The following CGREF1 variants were observed in gnomAD, a reference collection of about 807,000 sequenced individuals.
CGREF1 encodes the protein cell growth regulator with EF-hand domain 1.
CGREF1 carries 16 observed loss-of-function variants against 17.4 expected under a neutral mutation model. The ratio of observed to expected loss-of-function variants is 0.92; its 90% confidence interval spans 0.62 to 1.40. The LOEUF is 1.40. Ranked by LOEUF, CGREF1 falls within the 40% of genes most tolerant of loss-of-function variation. The pLI is 0.00. For synonymous variants in CGREF1, 142 were observed against 154.6 expected, an observed-to-expected ratio of 0.92 and a Z score of 0.61; for missense variants, 296 against 376.4, an observed-to-expected ratio of 0.79 and a Z score of 1.77.
chr2:27,100,702 T>C lies in CGREF1; in HGVS notation c.*572A>G. The C allele has an allele frequency of 9.1e-7, 1 of 1,101,488 alleles. No individual in the cohort carries two copies. The allele number at this position is 1,101,488 out of a possible 1,614,324, so 68.2% of individuals were successfully genotyped here. Reference sequence around the variant, plus strand: ...TCAAATGGAACCAATTCTGCTTGGCTACAGAATTATTGTGAGGATAAAATC... The same window carrying C: ...TCAAATGGAACCAATTCTGCTTGGCCACAGAATTATTGTGAGGATAAAATC... On this transcript the variant is annotated 3_prime_UTR_variant, in exon 6 of 6. Transcript: ENST00000402394.
In CGREF1 at chr2:27,101,730, T is replaced by G; in HGVS notation, c.501A>C (p.Gly167=). ...GGCTTTTAGCTAATAGGGACTGCCT[T>G]CCAACAGCTTGTGGCTCCTGAGGAG... ...APSPQEPQAV[G]RQSLLAKSPL... Residue 167 remains glycine, a synonymous_variant, in exon 6 of 6, where the codon GGA becomes GGC. Transcript: ENST00000402394. The G allele has an allele frequency of 6.2e-7, 1 of 1,614,222 alleles. No individual in the cohort carries two copies. Among genetic ancestry groups the G allele is most frequent in the Non-Finnish European group, 8.5e-7 (1 of 1,180,040 alleles).
intron 1 of CGREF1, among the ~76,000 whole-genome samples, chr2:27,110,482 A>G (rs911875192): frequency 6.6e-6 from 1 of 152,178 alleles, no homozygotes; most frequent in Non-Finnish European, 1.5e-5. Flanking sequence ...AAGAAATTAA[A>G]ATAAATGAAA....
chr2:27,104,606 T>C, intron 1 of CGREF1: 3 of 1,550,630 alleles, frequency 1.9e-6, no homozygotes, highest in South Asian at 2.4e-5. Flanking sequence ...AAGGCAGGCC[T>C]GCTGTGGCGG....
At chr2:27,115,670 C>T (rs896310632) in intron 1 of CGREF1, among the ~76,000 whole-genome samples, 2 of 152,186 alleles carry the variant, frequency 1.3e-5, no homozygotes, top group Non-Finnish European at 2.9e-5. Flanking sequence ...CTCCCTATTT[C>T]GATTACAGTC....
Position 27,101,172 on chromosome 2 carries a change from G to A in CGREF1, c.*102C>T, listed in dbSNP as rs146521833. On this transcript the variant is annotated 3_prime_UTR_variant, in exon 6 of 6. Transcript: ENST00000402394. The stretch of plus-strand genomic sequence containing the variant: ...CCTGATACCTACTGGGACCAGGCAG[G>A]GGGCACAGAGATGGTCCTTGTCCCA... 2.0e-6 allele frequency: 3 copies of A among 1,491,002 alleles called. No homozygotes were observed. Among genetic ancestry groups the A allele is most frequent in the East Asian group, 4.6e-5 (2 of 43,360 alleles). The allele number at this position is 1,491,002 out of a possible 1,614,324, so 92.4% of individuals were successfully genotyped here.
At chr2:27,116,010 C>T (rs1376338619) in intron 1 of CGREF1, among the ~76,000 whole-genome samples, 1 of 151,358 alleles carries the variant, frequency 6.6e-6, no homozygotes, top group Non-Finnish European at 1.5e-5. Flanking sequence ...GCCAGGAGTT[C>T]GAGACCAGCC....
chr2:27,102,608 A>G lies in CGREF1; in HGVS notation c.81-17T>C, dbSNP rs1670943669. 1 of 1,607,236 alleles carries G rather than the reference A, an allele frequency of 6.2e-7. No homozygotes were observed. The highest frequency in any genetic ancestry group is 1.1e-5 in the South Asian group (1 of 90,870). On this transcript the variant is annotated splice_polypyrimidine_tract_variant and intron_variant, in intron 2 of 5. Coordinates refer to ENST00000402394, the MANE Select transcript of CGREF1 (RefSeq NM_006569.6). ...GAGTCTGGCCTGGAGGAGGAAGGGG[A>G]GGACCAGCCTTGCAGAGAGCCTCCC... is the stretch of plus-strand genomic sequence containing the variant.
At chr2:27,107,475 A>T (rs921178242) in intron 1 of CGREF1, among the ~76,000 whole-genome samples, 4 of 151,544 alleles carry the variant, frequency 2.6e-5, no homozygotes, top group Non-Finnish European at 5.9e-5. Context: ...GGCTGGTCTC[A>T]AACTCCTGAC....
At chr2:27,111,406 A>G (rs1005104415) in intron 1 of CGREF1, among the ~76,000 whole-genome samples, 2 of 152,206 alleles carry the variant, frequency 1.3e-5, no homozygotes, top group African/African-American at 4.8e-5. Context: ...CTAGACATAA[A>G]GGTTCTCCAA....
chr2:27,116,139 G>C (rs1225082199), intron 1 of CGREF1, among the ~76,000 whole-genome samples: 1 of 150,046 alleles, frequency 6.7e-6, no homozygotes, highest in African/African-American at 2.5e-5. Context: ...GATGCAGGAG[G>C]ATCACTTCAG....
Position 27,100,646 on chromosome 2 carries a change from T to G in CGREF1, c.*628A>C, listed in dbSNP as rs1276594858. The G allele has an allele frequency of 1.9e-6, 2 of 1,080,184 alleles. No individual in the cohort carries two copies. The highest frequency in any genetic ancestry group is 1.5e-5 in the South Asian group (1 of 64,634). The allele number at this position is 1,080,184 out of a possible 1,614,324, so 66.9% of individuals were successfully genotyped here. ...TGCATATCACCTTAGGGTACAGCACTTAACGCAATCTGCCTCAATTTCTTC... is the reference window on the plus strand; with the variant it reads ...TGCATATCACCTTAGGGTACAGCACGTAACGCAATCTGCCTCAATTTCTTC... On this transcript the variant is annotated 3_prime_UTR_variant, in exon 6 of 6. Transcript: ENST00000402394.
chr2:27,116,944 G>A lies in CGREF1; in HGVS notation c.-12+1902C>T, dbSNP rs1453838282. 1.9e-4 allele frequency among the ~76,000 whole-genome samples: 16 copies of A among 86,030 alleles called. No individual in the cohort carries two copies. The East Asian group carries it at 2.0e-3, about 11-fold the overall frequency. The allele number at this position is 86,030 out of a possible 152,430, so 56.4% of individuals were successfully genotyped here. A position where few individuals can be genotyped will look rare whatever the true frequency, so the allele number is the denominator to read the frequency against. On this transcript the variant is annotated intron_variant, in intron 1 of 5. Coordinates refer to ENST00000402394, the MANE Select transcript of CGREF1 (RefSeq NM_006569.6). The stretch of plus-strand genomic sequence containing the variant: ...CTCTCTTTTTTTGAGACAGAGTCTC[G>A]CTCTGTCACCCAGGCTGGAGTGCAG...
chr2:27,101,819 C>T lies in CGREF1; in HGVS notation c.412G>A (p.Glu138Lys). The T allele has an allele frequency of 6.2e-7, 1 of 1,614,172 alleles. No homozygotes were observed. The highest frequency in any genetic ancestry group is 8.5e-7 in the Non-Finnish European group (1 of 1,180,040). Residue 138 changes from glutamate to lysine, a missense_variant, in exon 6 of 6, where the codon GAG (glutamate) becomes AAG (lysine). By Grantham distance (56) the Glu-to-Lys change is moderately conservative. Around this residue, in one of 3 missense-constraint regions of CGREF1, gnomAD observed 247 missense variants for 267.2 expected, o/e 0.92. Transcript: ENST00000402394. Reference protein sequence around the residue: ...LNGDGLMTPAELINFPGVALR... With the variant: ...LNGDGLMTPAKLINFPGVALR... ...GCTACTCCCGGGAAGTTGATGAGCTCAGCAGGGGTCATGAGCCCATCCCCA... is the reference window on the plus strand; with the variant it reads ...GCTACTCCCGGGAAGTTGATGAGCTTAGCAGGGGTCATGAGCCCATCCCCA...
At chr2:27,102,962 G>C in intron 2 of CGREF1, 3 of 985,434 alleles carry the variant, frequency 3.0e-6, no homozygotes, top group Non-Finnish European at 3.6e-6. Context: ...GGGAGCCAAG[G>C]GACAGGTCTC....
intron 1 of CGREF1, among the ~76,000 whole-genome samples, chr2:27,115,972 G>T (rs540379344): frequency 1.3e-5 from 2 of 151,972 alleles, no homozygotes; most frequent in South Asian, 2.1e-4. Context: ...CCAGTACTTC[G>T]CAGGCCAAGG....
chr2:27,115,268 C>T (rs1286635128), intron 1 of CGREF1, among the ~76,000 whole-genome samples: 2 of 152,114 alleles, frequency 1.3e-5, no homozygotes, highest in Admixed American at 6.6e-5. Context: ...AGTCCTACCC[C>T]GTGAATGACT....
rs577742557 is a variant in CGREF1 at position 27,103,620 on chromosome 2, C to T, written c.80+667G>A. Among the ~76,000 whole-genome samples, 59 of 150,488 alleles carry T rather than the reference C, an allele frequency of 3.9e-4. 1 individual carries two copies. In the South Asian group the frequency reaches 6.7e-3, roughly 17 times the overall value. On this transcript the variant is annotated intron_variant, in intron 2 of 5. Coordinates refer to ENST00000402394, the MANE Select transcript of CGREF1 (RefSeq NM_006569.6). Reference sequence around the variant, plus strand: ...AACTCCTGACCTCAGGTGATCTGTCCGCCTCGGCCTCCCAAAGTGCTGGGA... The same window carrying T: ...AACTCCTGACCTCAGGTGATCTGTCTGCCTCGGCCTCCCAAAGTGCTGGGA...
At chr2:27,116,923 C>CTCTCTCTCTCTCTCTCTCTTT (rs1259106800) in intron 1 of CGREF1, among the ~76,000 whole-genome samples, 2 of 53,014 alleles carry the variant, frequency 3.8e-5, no homozygotes, top group Non-Finnish European at 7.2e-5. Flanking sequence ...CTCTCTCTCT[C>CTCTCTCTCTCTCTCTCTCTTT]TTTTTTTGAG....
rs192502748 is a variant in CGREF1 at position 27,103,852 on chromosome 2, G to A, written c.80+435C>T. On this transcript the variant is annotated intron_variant, in intron 2 of 5. Transcript: ENST00000402394. ...ACAAAAATTAGCCCAGCATGGTGGC[G>A]GGCGCCTGTAGTCCCAGCTACTCGG... 4.2e-3 allele frequency among the ~76,000 whole-genome samples: 639 copies of A among 152,112 alleles called. 4 individuals carry two copies. The highest frequency in any genetic ancestry group is 0.014 in the African/African-American group (583 of 41,524).
Sources: gnomAD v4.1 joint callset for allele counts (sites outside exome capture counted in the v4.1 genomes callset) on GRCh38, gnomAD v4.1.1 for gene constraint, gnomAD v4.1.1 regional missense constraint, MANE v1.5 for transcripts, NCBI Gene and HGNC (gene_info 2026-07-23, HGNC 2026-07-21) for gene names.